SYN3: variants seen among roughly 807,000 people sequenced by gnomAD.
SYN3 encodes the protein synapsin III, also known as synapsin-3.
In SYN3, 35 loss-of-function variants were observed where a neutral mutation model predicts 65.8. The observed-to-expected ratio is 0.53, with a 90% CI of 0.41 to 0.70. The LOEUF is 0.70. SYN3 is among the 30% of genes least tolerant of loss of function. The pLI is 0.00. For synonymous variants in SYN3, 270 were observed against 292.9 expected (o/e 0.92, Z 0.80); for missense variants, 680 against 749.0 (o/e 0.91, Z 1.08).
At chr22:32,549,156 A>G (rs1384364743) in intron 7 of SYN3, among the ~76,000 whole-genome samples, 2 of 152,202 alleles carry the variant, frequency 1.3e-5, no homozygotes, top group Non-Finnish European at 2.9e-5. Context: ...CCATGCACAC[A>G]ATCGAATGCT....
chr22:32,760,276 AG>A (rs1358860862), intron 6 of SYN3, among the ~76,000 whole-genome samples: 2 of 149,888 alleles, frequency 1.3e-5, no homozygotes, highest in Non-Finnish European at 3.0e-5. Context: ...TTGAGTCTAA[AG>A]GAAGGTCTCC....
chr22:32,575,627 G>C (rs767559189), intron 7 of SYN3, among the ~76,000 whole-genome samples: 1 of 152,144 alleles, frequency 6.6e-6, no homozygotes, highest in African/African-American at 2.4e-5. Context: ...AGAGAGCAAC[G>C]GTCTTGCTCT....
intron 7 of SYN3, among the ~76,000 whole-genome samples, chr22:32,578,403 C>T (rs1185961562): frequency 6.6e-6 from 1 of 152,038 alleles, no homozygotes; most frequent in Admixed American, 6.6e-5. Flanking sequence ...TGCACCACCA[C>T]ACCTGGCATT....
intron 6 of SYN3, chr22:32,857,194 C>T: frequency 1.5e-6 from 2 of 1,340,798 alleles, no homozygotes; most frequent in South Asian, 1.2e-5. Context: ...GATTAGGGAT[C>T]ATACGGGTGT....
chr22:32,965,937 G>A (rs999964541), intron 3 of SYN3, among the ~76,000 whole-genome samples: 2 of 152,122 alleles, frequency 1.3e-5, no homozygotes, highest in African/African-American at 2.4e-5. Flanking sequence ...CTTGTGATCT[G>A]CCCGCCTTGG....
chr22:32,558,544 C>T (rs1443889396), intron 7 of SYN3, among the ~76,000 whole-genome samples: 2 of 152,220 alleles, frequency 1.3e-5, no homozygotes, highest in African/African-American at 2.4e-5. Context: ...GCAACTTTTC[C>T]CTTTTCCTAT....
chr22:32,580,115 G>A (rs1004772353), intron 7 of SYN3, among the ~76,000 whole-genome samples: 33 of 152,222 alleles, frequency 2.2e-4, no homozygotes, highest in Non-Finnish European at 4.3e-4. Context: ...CAGCTTGTGC[G>A]TCCACAGAGC....
chr22:32,614,863 C>T (rs1383805244), intron 6 of SYN3, among the ~76,000 whole-genome samples: 2 of 151,964 alleles, frequency 1.3e-5, no homozygotes, highest in African/African-American at 4.8e-5. Context: ...CATCCCCAGT[C>T]TTCTGCACTG....
intron 3 of SYN3, among the ~76,000 whole-genome samples, chr22:32,948,667 G>A (rs2051188849): frequency 6.6e-6 from 1 of 152,062 alleles, no homozygotes; most frequent in African/African-American, 2.4e-5. Flanking sequence ...AACCTGCGAG[G>A]CGGAGCTTGC....
At chr22:32,717,521 G>A (rs1040398385) in intron 6 of SYN3, among the ~76,000 whole-genome samples, 2 of 152,150 alleles carry the variant, frequency 1.3e-5, no homozygotes, top group Non-Finnish European at 2.9e-5. Flanking sequence ...GGAAGGAGTG[G>A]GGGACCAGGT....
intron 3 of SYN3, among the ~76,000 whole-genome samples, chr22:32,950,268 T>G (rs933147118): frequency 4.6e-5 from 7 of 152,094 alleles, no homozygotes; most frequent in African/African-American, 1.7e-4. Flanking sequence ...TCAGACCCCG[T>G]GGTCTGTTCC....
chr22:33,041,795 G>C (rs1192225652), intron 1 of SYN3, among the ~76,000 whole-genome samples: 1 of 152,028 alleles, frequency 6.6e-6, no homozygotes, highest in African/African-American at 2.4e-5. Context: ...TGAGCTCCAA[G>C]CATCTTTCAA....
intron 6 of SYN3, among the ~76,000 whole-genome samples, chr22:32,813,976 C>G (rs760585349): frequency 2.0e-5 from 3 of 151,976 alleles, no homozygotes; most frequent in Non-Finnish European, 1.5e-5. Context: ...GGTATTACTG[C>G]CTCCCCTTAG....
At chr22:32,956,006 G>A (rs2051441990) in intron 3 of SYN3, among the ~76,000 whole-genome samples, 1 of 145,686 alleles carries the variant, frequency 6.9e-6, no homozygotes, top group African/African-American at 2.6e-5. Flanking sequence ...GTGTGAACTT[G>A]TGATTGTGTG....
intron 12 of SYN3, chr22:32,519,380 CT>C (rs1487205343): frequency 6.6e-6 from 1 of 151,858 alleles, no homozygotes; most frequent in African/African-American, 2.4e-5. Context: ...CAAGAATTAA[CT>C]CTTACTTTTT....
intron 1 of SYN3, among the ~76,000 whole-genome samples, chr22:33,028,671 T>TGGTGGTGGG: frequency 1.3e-5 from 1 of 79,514 alleles, no homozygotes; most frequent in Admixed American, 1.4e-4. Context: ...GTGGTGGTGG[T>TGGTGGTGGG]GGTGGTGGTG....
Position 32,508,647 on chromosome 22 carries a change from T to C in SYN3, c.*5045A>G, listed in dbSNP as rs9621472. ...TTCTCTATCTCATTTTACTGGGTTT[T>C]GGTTTGTTTGATTCTGTTCCTGGGC... On this transcript the variant is annotated 3_prime_UTR_variant, in exon 14 of 14. Transcript: ENST00000358763. Among the ~76,000 whole-genome samples, 31,798 of 152,172 alleles carry C rather than the reference T, an allele frequency of 0.21. 3,657 individuals carry two copies. Among genetic ancestry groups the C allele is most frequent in the African/African-American group, 0.28 (11,734 of 41,462 alleles).
At chr22:32,733,048 G>A (rs1049569537) in intron 6 of SYN3, among the ~76,000 whole-genome samples, 6 of 152,164 alleles carry the variant, frequency 3.9e-5, no homozygotes, top group African/African-American at 1.4e-4. Context: ...TTCTCCCCAT[G>A]CCATGGTATC....
intron 6 of SYN3, among the ~76,000 whole-genome samples, chr22:32,771,901 G>C (rs536552812): frequency 6.6e-6 from 1 of 152,272 alleles, no homozygotes; most frequent in Non-Finnish European, 1.5e-5. Flanking sequence ...ATTAGAAAGG[G>C]GAGAGGGAGT....
Sources: gnomAD v4.1 joint callset for allele counts (sites outside exome capture counted in the v4.1 genomes callset) on GRCh38, gnomAD v4.1.1 for gene constraint, MANE v1.5 for transcripts, NCBI Gene and HGNC (gene_info 2026-07-23, HGNC 2026-07-21) for gene names.